The following SNX9 variants were observed in gnomAD, a reference collection of about 807,000 sequenced individuals.
SNX9 encodes the protein sorting nexin-9.
Under a neutral mutation model 89.4 loss-of-function variants are expected in SNX9, and 44 were observed. The ratio of observed to expected loss-of-function variants is 0.49; its 90% CI spans 0.39 to 0.63. The LOEUF (loss-of-function observed/expected upper bound fraction) is 0.63, where lower values mean the gene tolerates loss of function less well. SNX9 is among the 30% of genes least tolerant of loss of function. The pLI is 0.00. For synonymous variants in SNX9, 236 were observed against 247.8 expected, an observed-to-expected ratio of 0.95 and a Z score of 0.45; for missense variants, 578 against 736.1, an observed-to-expected ratio of 0.79 and a Z score of 2.49.
rs576834989 is a variant in SNX9 at position 157,823,636 on chromosome 6, C to T, written c.12+190C>T. Among the ~76,000 whole-genome samples, 1 of 152,082 alleles carries T rather than the reference C, an allele frequency of 6.6e-6. No individual in the cohort carries two copies. The highest frequency in any genetic ancestry group is 1.9e-4 in the East Asian group (1 of 5,152). ...CTGGGCATGGGTGCGGCGGGCAGTG[C>T]AGACAGACCACCAGGATCGCACCGG... On this transcript the variant is annotated intron_variant, in intron 1 of 17. Transcript: ENST00000392185. The surrounding 1 kb of genome is among the most constrained non-coding windows in gnomAD (Gnocchi z 4.6).
chr6:157,836,112 G>T (rs1267746623), intron 1 of SNX9, among the ~76,000 whole-genome samples: 1 of 150,388 alleles, frequency 6.6e-6, no homozygotes, highest in Non-Finnish European at 1.5e-5. Context: ...TTAATTTTTT[G>T]TTTGTTTGTT....
chr6:157,873,947 T>C (rs985888329), intron 3 of SNX9, among the ~76,000 whole-genome samples: 1 of 152,166 alleles, frequency 6.6e-6, no homozygotes, highest in Non-Finnish European at 1.5e-5. Context: ...TTTCGGTCCC[T>C]CCAAACCGAG....
intron 4 of SNX9, among the ~76,000 whole-genome samples, chr6:157,889,068 C>T (rs1229003654): frequency 7.2e-5 from 11 of 151,964 alleles, no homozygotes; most frequent in African/African-American, 2.2e-4. Flanking sequence ...GTGAAGGAGC[C>T]GAGGGGATTA....
chr6:157,942,733 CTG>C, intron 17 of SNX9, 56 bp from the exon 18 acceptor site: 1 of 1,556,320 alleles, frequency 6.4e-7, no homozygotes, highest in Non-Finnish European at 8.8e-7. Flanking sequence ...ATAAAGAACA[CTG>C]TGAGGTCGTA....
rs1491214417 is a variant in SNX9 at position 157,834,149 on chromosome 6, G to GTTTTT, written c.12+10703_12+10704insTTTTT. On this transcript the variant is annotated intron_variant, in intron 1 of 17. Transcript: ENST00000392185. Reference sequence around the variant, plus strand: ...GATCCTGCCATGTGGTGTCCACTGTGGTTTTTTTTTTTTTTTTTTTTTTTT... The same window carrying GTTTTT: ...GATCCTGCCATGTGGTGTCCACTGTGTTTTTGTTTTTTTTTTTTTTTTTTTTTTTT... 3.8e-3 allele frequency among the ~76,000 whole-genome samples: 230 copies of GTTTTT among 59,978 alleles called. 14 individuals carry two copies. The highest frequency in any genetic ancestry group is 0.011 in the African/African-American group (162 of 15,008). 39.3% of individuals were successfully genotyped at this position (59,978 alleles called of 152,430 possible).
chr6:157,856,750 A>G (rs1451600396), intron 1 of SNX9, among the ~76,000 whole-genome samples: 1 of 151,988 alleles, frequency 6.6e-6, no homozygotes, highest in Non-Finnish European at 1.5e-5. Flanking sequence ...CCCTCATTAC[A>G]TAGTTTAATA....
chr6:157,845,516 T>G (rs10223851), intron 1 of SNX9, among the ~76,000 whole-genome samples: 13,864 of 152,334 alleles, frequency 0.091, 680 homozygotes, highest in Non-Finnish European at 0.11. Flanking sequence ...AACTCATGTT[T>G]CATTAGCTAT....
At position 157,823,496 on chromosome 6, in the gene SNX9, C is replaced by T; in HGVS notation, c.12+50C>T. 3.4e-6 allele frequency: 4 copies of T among 1,165,514 alleles called. No homozygotes were observed. Among genetic ancestry groups the T allele is most frequent in the Non-Finnish European group, 4.2e-6 (4 of 946,894 alleles). 72.2% of individuals were successfully genotyped at this position (1,165,514 alleles called of 1,614,324 possible). ...GGCCGGTCGCTCAGGCCCGGGGCGG[C>T]GCGGAGAGGGTCGGGGCCGGGGCCG... is the stretch of plus-strand genomic sequence containing the variant. On this transcript the variant is annotated intron_variant, in intron 1 of 17. Transcript: ENST00000392185. This position sits in a 1 kb window ranked among gnomAD's most constrained non-coding sequence, Gnocchi z 4.6.
intron 4 of SNX9, among the ~76,000 whole-genome samples, chr6:157,882,713 G>A (rs968622512): frequency 2.6e-5 from 4 of 152,216 alleles, no homozygotes; most frequent in Non-Finnish European, 5.9e-5. Context: ...ACTAGAATTA[G>A]AAGTGGAGCC....
At chr6:157,930,636 G>A (rs1401933377) in intron 12 of SNX9, among the ~76,000 whole-genome samples, 1 of 152,124 alleles carries the variant, frequency 6.6e-6, no homozygotes, top group African/African-American at 2.4e-5. Flanking sequence ...TAAGAGCCAC[G>A]CATACAAGCT....
At chr6:157,908,152 C>T (rs1265186215) in intron 7 of SNX9, among the ~76,000 whole-genome samples, 1 of 151,876 alleles carries the variant, frequency 6.6e-6, no homozygotes, top group Non-Finnish European at 1.5e-5. Flanking sequence ...CTGGCCTTGC[C>T]TCTCTGAGGT....
chr6:157,905,988 G>T lies in SNX9; in HGVS notation c.621-140G>T, dbSNP rs113306657. 6.5e-6 allele frequency: 4 copies of T among 617,744 alleles called. No individual in the cohort carries two copies. In the Admixed American group the frequency reaches 1.4e-4, roughly 21 times the overall value. The allele number at this position is 617,744 out of a possible 1,614,324, so 38.3% of individuals were successfully genotyped here. ...CCATTGAACAATCTGATTACATTAG[G>T]TTTCATTTACCACAGTTTCCAGTTC... On this transcript the variant is annotated intron_variant, in intron 6 of 17. Coordinates refer to ENST00000392185, the MANE Select transcript of SNX9 (RefSeq NM_016224.5).
intron 14 of SNX9, 74 bp from the exon 15 acceptor site, chr6:157,937,360 G>T: frequency 2.0e-6 from 2 of 1,000,764 alleles, no homozygotes; most frequent in South Asian, 1.3e-5. Context: ...TATAGTCTTT[G>T]GGTATAATAG....
intron 4 of SNX9, among the ~76,000 whole-genome samples, chr6:157,887,953 GT>G (rs1222296272): frequency 1.2e-4 from 18 of 152,320 alleles, no homozygotes; most frequent in African/African-American, 4.3e-4. Flanking sequence ...ATCTGCTGCA[GT>G]TTACCCATCA....
intron 9 of SNX9, among the ~76,000 whole-genome samples, chr6:157,919,434 A>G (rs971624640): frequency 2.7e-5 from 4 of 150,898 alleles, no homozygotes; most frequent in African/African-American, 4.9e-5. Context: ...CTGTTGATCT[A>G]TCTTCAAATT....
At chr6:157,837,343 G>A (rs1439690830) in intron 1 of SNX9, among the ~76,000 whole-genome samples, 1 of 152,140 alleles carries the variant, frequency 6.6e-6, no homozygotes, top group African/African-American at 2.4e-5. Context: ...ACAGTTTTGT[G>A]TGTTATTAAA....
Position 157,921,519 on chromosome 6 carries a change from T to G in SNX9, c.950-12T>G. 6.2e-7 allele frequency: 1 copy of G among 1,609,984 alleles called. No individual in the cohort carries two copies. The highest frequency in any genetic ancestry group is 1.7e-5 in the Admixed American group (1 of 59,112). On this transcript the variant is annotated splice_polypyrimidine_tract_variant and intron_variant, in intron 9 of 17. Coordinates refer to ENST00000392185, the MANE Select transcript of SNX9 (RefSeq NM_016224.5). The stretch of plus-strand genomic sequence containing the variant: ...ACAAAGTTGTATGTCATTCTTGGTG[T>G]GTCGCTTGCAGGCCGCTTTGAAGAG...
intron 4 of SNX9, among the ~76,000 whole-genome samples, chr6:157,875,966 C>A (rs896597031): frequency 6.0e-5 from 9 of 151,126 alleles, no homozygotes; most frequent in African/African-American, 2.2e-4. Context: ...CACGATGAAA[C>A]CCCATCTCCA....
At chr6:157,926,989 TG>T in intron 10 of SNX9, 121 bp from the exon 11 acceptor site, 2 of 674,778 alleles carry the variant, frequency 3.0e-6, no homozygotes, top group Non-Finnish European at 5.2e-6. Context: ...GGAGATAGAG[TG>T]GGAGCTGCTT....
Sources: gnomAD v4.1 joint callset for allele counts (sites outside exome capture counted in the v4.1 genomes callset) on GRCh38, gnomAD v4.1.1 for gene constraint, Gnocchi (gnomAD v3.1) non-coding constraint, MANE v1.5 for transcripts, NCBI Gene and HGNC (gene_info 2026-07-23, HGNC 2026-07-21) for gene names.